The following ZIK1 variants were observed in gnomAD, a reference collection of about 807,000 sequenced individuals.
ZIK1 encodes the protein zinc finger protein interacting with ribonucleoprotein K.
In ZIK1, 12 loss-of-function variants were observed where a neutral mutation model predicts 10.7. The ratio of observed to expected loss-of-function variants is 1.12; its 90% CI spans 0.72 to 1.81. The LOEUF (loss-of-function observed/expected upper bound fraction) is 1.81. ZIK1 is among the 40% of genes most tolerant of loss of function. The probability of loss-of-function intolerance (pLI) is 0.00; values close to 1 mark genes in which losing one functional copy is unlikely to be tolerated. For synonymous variants in ZIK1, 190 were observed against 205.0 expected (o/e 0.93, Z 0.63); for missense variants, 497 against 585.7 (o/e 0.85, Z 1.56).
In ZIK1 at chr19:57,593,208, A is replaced by ATTTTTT. The variant is rs1227700686; in HGVS notation, c.*1938_*1939insTTTTTT. The ATTTTTT allele has an allele frequency of 2.5e-4, 38 of 150,122 alleles. No homozygotes were observed. The highest frequency in any genetic ancestry group is 7.9e-4 in the East Asian group (4 of 5,068). The allele number at this position is 150,122 out of a possible 1,614,324, so 9.3% of individuals were successfully genotyped here. On this transcript the variant is annotated 3_prime_UTR_variant, in exon 4 of 4. Coordinates refer to ENST00000597850, the MANE Select transcript of ZIK1 (RefSeq NM_001010879.4). ...AGGCATGCACTACCACGCCCAACTA[A>ATTTTTT]TTTTTGTATTTTTAGTAGAGATGTG...
At chr19:57,588,438 G>T in intron 2 of ZIK1, 101 bp from the exon 3 acceptor site, 8 of 1,277,792 alleles carry the variant, frequency 6.3e-6, no homozygotes, top group Non-Finnish European at 8.2e-6. Flanking sequence ...GTGGGCATCT[G>T]TGTCACCAGG....
Position 57,591,156 on chromosome 19 carries a change from G to T in ZIK1, c.1345G>T (p.Gly449Cys). ...TGGAAAGTCCTTTAGCCAAAAGTCT[G>T]GTCTCATTCAACACCAAGTGGTTCA... ...QCGKSFSQKS[G>C]LIQHQVVHTG... The change falls in exon 4 of 4, where the codon GGT becomes TGT. Residue 449 changes from glycine to cysteine, a missense_variant. Transcript: ENST00000597850. 3.1e-6 allele frequency: 5 copies of T among 1,613,282 alleles called. No individual in the cohort carries two copies. The highest frequency in any genetic ancestry group is 4.2e-6 in the Non-Finnish European group (5 of 1,179,738).
Position 57,590,422 on chromosome 19 carries a change from T to G in ZIK1, c.611T>G (p.Ile204Ser). The G allele has an allele frequency of 6.2e-7, 1 of 1,614,150 alleles. No homozygotes were observed. Among genetic ancestry groups the G allele is most frequent in the Non-Finnish European group, 8.5e-7 (1 of 1,180,008 alleles). ...PGTITECGED[I>S]RSQKSHYKSG... ...ACAATTACTGAATGTGGGGAGGACA[T>G]TCGCAGTCAAAAAAGTCATTACAAG... Residue 204 changes from isoleucine (I) to serine (S), a missense_variant, in exon 4 of 4, where the codon ATT (isoleucine) becomes AGT (serine). Ile to Ser is a moderately radical substitution (Grantham distance 142, BLOSUM62 -2). Coordinates refer to ENST00000597850, the MANE Select transcript of ZIK1 (RefSeq NM_001010879.4).
chr19:57,592,093 T>G lies in ZIK1; in HGVS notation c.*818T>G, dbSNP rs544129861. 5.3e-5 allele frequency: 8 copies of G among 152,228 alleles called. No individual in the cohort carries two copies. The highest frequency in any genetic ancestry group is 1.2e-4 in the African/African-American group (5 of 41,464). The allele number at this position is 152,228 out of a possible 1,614,324, so 9.4% of individuals were successfully genotyped here. A position where few individuals can be genotyped will look rare whatever the true frequency, so the allele number is the denominator to read the frequency against. The stretch of plus-strand genomic sequence containing the variant: ...CATCCTGAGGAGAGGCCAGCTGTTA[T>G]GACAAGCATGTGTGCTTCAGGGAAT... On this transcript the variant is annotated 3_prime_UTR_variant, in exon 4 of 4. Transcript: ENST00000597850.
In ZIK1 at chr19:57,584,199, A is replaced by C; in HGVS notation, c.-158A>C. The C allele has an allele frequency of 1.5e-6, 2 of 1,353,704 alleles. No homozygotes were observed. Among genetic ancestry groups the C allele is most frequent in the Non-Finnish European group, 2.0e-6 (2 of 1,023,714 alleles). The allele number at this position is 1,353,704 out of a possible 1,614,324, so 83.9% of individuals were successfully genotyped here. ...GCATCCAGACCGTCAGAGCTTTGGG[A>C]GCGCTTTGTTTGGCGACAGTCGGAA... On this transcript the variant is annotated 5_prime_UTR_variant, in exon 1 of 4. Coordinates refer to ENST00000597850, the MANE Select transcript of ZIK1 (RefSeq NM_001010879.4).
In ZIK1 at chr19:57,593,867, TAATA is replaced by T. The variant is rs1979911284; in HGVS notation, c.*2597_*2600del. The T allele has an allele frequency of 6.6e-6, 1 of 151,704 alleles. No individual in the cohort carries two copies. The highest frequency in any genetic ancestry group is 1.5e-5 in the Non-Finnish European group (1 of 67,954). 9.4% of individuals were successfully genotyped at this position (151,704 alleles called of 1,614,324 possible). On this transcript the variant is annotated 3_prime_UTR_variant, in exon 4 of 4. Coordinates refer to ENST00000597850, the MANE Select transcript of ZIK1 (RefSeq NM_001010879.4). ...ATGGATGTTGGTGATACTTTTTCATTAATAAATAGACGTATAACAAAGACTTATG... is the reference window on the plus strand; with the variant it reads ...ATGGATGTTGGTGATACTTTTTCATTAATAGACGTATAACAAAGACTTATG...
chr19:57,585,863 C>A (rs1012369652), intron 2 of ZIK1, among the ~76,000 whole-genome samples: 3 of 151,308 alleles, frequency 2.0e-5, no homozygotes, highest in African/African-American at 7.3e-5. Flanking sequence ...CACATGCTAC[C>A]GTGCTACCAT....
intron 3 of ZIK1, 54 bp from the exon 4 acceptor site, chr19:57,589,957 T>C: frequency 6.4e-7 from 1 of 1,566,056 alleles, no homozygotes; most frequent in Admixed American, 1.8e-5. Context: ...GTAATGGGGC[T>C]TCTTGCTCTC....
In ZIK1 at chr19:57,593,208, A is replaced by ATTTTTTTTTTTTTTTTTTTTTTT; in HGVS notation, c.*1938_*1939insTTTTTTTTTTTTTTTTTTTTTTT. 1 of 150,158 alleles carries ATTTTTTTTTTTTTTTTTTTTTTT rather than the reference A, an allele frequency of 6.7e-6. No individual in the cohort carries two copies. The highest frequency in any genetic ancestry group is 6.7e-5 in the Admixed American group (1 of 14,844). 9.3% of individuals were successfully genotyped at this position (150,158 alleles called of 1,614,324 possible). A position where few individuals can be genotyped will look rare whatever the true frequency, so the allele number is the denominator to read the frequency against. On this transcript the variant is annotated 3_prime_UTR_variant, in exon 4 of 4. Coordinates refer to ENST00000597850, the MANE Select transcript of ZIK1 (RefSeq NM_001010879.4). ...AGGCATGCACTACCACGCCCAACTA[A>ATTTTTTTTTTTTTTTTTTTTTTT]TTTTTGTATTTTTAGTAGAGATGTG...
intron 2 of ZIK1, among the ~76,000 whole-genome samples, chr19:57,586,947 G>A (rs1177712596): frequency 6.6e-6 from 1 of 152,190 alleles, no homozygotes; most frequent in African/African-American, 2.4e-5. Context: ...CTGGAGACTA[G>A]ATAATTTGTA....
chr19:57,588,338 C>T (rs73060458), intron 2 of ZIK1, among the ~76,000 whole-genome samples: 46,776 of 151,814 alleles, frequency 0.31, 7,417 homozygotes, highest in Middle Eastern at 0.4. Context: ...TCCTACATAC[C>T]GGGCCCAAAG....
In ZIK1 at chr19:57,590,051, C is replaced by A; in HGVS notation, c.240C>A (p.Asp80Glu). 6.2e-7 allele frequency: 1 copy of A among 1,614,164 alleles called. No individual in the cohort carries two copies. Among genetic ancestry groups the A allele is most frequent in the Non-Finnish European group, 8.5e-7 (1 of 1,180,006 alleles). The change falls in exon 4 of 4, where the codon GAC becomes GAA. Residue 80 changes from aspartate (D) to glutamate (E), a missense_variant. Physicochemically the swap from Asp to Glu is conservative, Grantham distance 45. Transcript: ENST00000597850. The stretch of plus-strand genomic sequence containing the variant: ...CAGAGGATGAAGAGACACCTTCTGA[C>A]CAGAATGTTTCTGTAGGAGTGTCAC... ...HGTEDEETPSDQNVSVGVSQS... is the reference protein window; with the variant it reads ...HGTEDEETPSEQNVSVGVSQS...
At position 57,590,771 on chromosome 19, in the gene ZIK1, A is replaced by G; in HGVS notation, c.960A>G (p.Ala320=). ...ACCACCAGAAAATACACACTGGAGC[A>G]AGGCCTTATGAGTGTAGCCAGTGTG... is the stretch of plus-strand genomic sequence containing the variant. ...LVDHQKIHTG[A]RPYECSQCGK... is the part of the protein sequence containing the mutation. The change falls in exon 4 of 4, where the codon GCA becomes GCG. Residue 320 remains alanine (A), a synonymous_variant. Transcript: ENST00000597850. 1 of 1,614,226 alleles carries G rather than the reference A, an allele frequency of 6.2e-7. No homozygotes were observed.
In ZIK1 at chr19:57,592,661, C is replaced by T. The variant is rs1979798464; in HGVS notation, c.*1386C>T. The stretch of plus-strand genomic sequence containing the variant: ...CCAACATTTCCTGCATGGAGGGACT[C>T]ATGGTTGCCCTTCCCCAGGCCTGAA... On this transcript the variant is annotated 3_prime_UTR_variant, in exon 4 of 4. Transcript: ENST00000597850. 6.6e-6 allele frequency: 1 copy of T among 152,166 alleles called. No individual in the cohort carries two copies. Among genetic ancestry groups the T allele is most frequent in the African/African-American group, 2.4e-5 (1 of 41,434 alleles). 9.4% of individuals were successfully genotyped at this position (152,166 alleles called of 1,614,324 possible).
At position 57,592,105 on chromosome 19, in the gene ZIK1, G is replaced by A. The variant is rs1345740084; in HGVS notation, c.*830G>A. On this transcript the variant is annotated 3_prime_UTR_variant, in exon 4 of 4. Transcript: ENST00000597850. ...AGGCCAGCTGTTATGACAAGCATGTGTGCTTCAGGGAATAGGACAATTTTA... is the reference window on the plus strand; with the variant it reads ...AGGCCAGCTGTTATGACAAGCATGTATGCTTCAGGGAATAGGACAATTTTA... 6.6e-6 allele frequency: 1 copy of A among 152,188 alleles called. No homozygotes were observed. The highest frequency in any genetic ancestry group is 1.5e-5 in the Non-Finnish European group (1 of 68,050). 9.4% of individuals were successfully genotyped at this position (152,188 alleles called of 1,614,324 possible).
chr19:57,588,556 G>A lies in ZIK1; in HGVS notation c.90G>A (p.Glu30=), dbSNP rs1421029650. Residue 30 remains glutamate (E), a synonymous_variant, in exon 3 of 4, where the codon GAG becomes GAA. Coordinates refer to ENST00000597850, the MANE Select transcript of ZIK1 (RefSeq NM_001010879.4). ...CATGACAGGGCTGTGTGACCTTTGA[G>A]GACATCGCCATTTACTTCTCACAGG... ...MDLTKGCVTF[E]DIAIYFSQDE... 6.4e-7 allele frequency: 1 copy of A among 1,554,812 alleles called. No individual in the cohort carries two copies. Among genetic ancestry groups the A allele is most frequent in the Non-Finnish European group, 8.7e-7 (1 of 1,145,556 alleles).
Position 57,584,395 on chromosome 19 carries a change from C to A in ZIK1, c.33+6C>A, listed in dbSNP as rs1978940465. ...CGCTGAGGGCCCCGACTCAGGTGAG[C>A]GCTGCCTCTACTGGGCCTCACCCTC... On this transcript the variant is annotated splice_donor_region_variant and intron_variant, in intron 1 of 3. Transcript: ENST00000597850. 6.2e-7 allele frequency: 1 copy of A among 1,608,048 alleles called. No homozygotes were observed. Among genetic ancestry groups the A allele is most frequent in the African/African-American group, 1.3e-5 (1 of 74,932 alleles).
chr19:57,587,973 G>A (rs914783185), intron 2 of ZIK1, among the ~76,000 whole-genome samples: 4 of 152,140 alleles, frequency 2.6e-5, no homozygotes, highest in South Asian at 2.1e-4. Flanking sequence ...GACGGCCATC[G>A]GTGTCTGACA....
At position 57,591,899 on chromosome 19, in the gene ZIK1, A is replaced by C. The variant is rs1297127591; in HGVS notation, c.*624A>C. 1.3e-5 allele frequency: 2 copies of C among 152,288 alleles called. No homozygotes were observed. The highest frequency in any genetic ancestry group is 2.9e-5 in the Non-Finnish European group (2 of 68,114). The allele number at this position is 152,288 out of a possible 1,614,324, so 9.4% of individuals were successfully genotyped here. On this transcript the variant is annotated 3_prime_UTR_variant, in exon 4 of 4. Transcript: ENST00000597850. ...GACAGACTTCAACTCTATATGAAGG[A>C]ATGGATGGCTTTTGTGGGCCTCTGC...
Sources: allele counts gnomAD v4.1 joint callset (sites outside exome capture counted in the v4.1 genomes callset), GRCh38; gene constraint gnomAD v4.1.1; transcripts MANE v1.5; gene names NCBI Gene and HGNC (gene_info 2026-07-23, HGNC 2026-07-21).